The following KRABD3 variants were observed in gnomAD, a reference collection of about 807,000 sequenced individuals.
The protein encoded by KRABD3 is KRAB domain containing 3, also known as KRAB domain-containing protein 3.
the KRABD3 span, among the ~76,000 whole-genome samples, chr7:149,718,315 C>T: frequency 3.3e-5 from 5 of 152,166 alleles, no homozygotes; most frequent in Middle Eastern, 3.4e-3. Context: ...TTATTAGGGG[C>T]GTGTTCATTT....
chr7:149,727,002 G>A, the KRABD3 span, among the ~76,000 whole-genome samples: 57 of 152,284 alleles, frequency 3.7e-4, no homozygotes, highest in African/African-American at 1.3e-3. Context: ...CCCAACTTAG[G>A]AAAACATACA....
chr7:149,723,304 G>A, the KRABD3 span, among the ~76,000 whole-genome samples: 2 of 152,224 alleles, frequency 1.3e-5, no homozygotes, highest in Non-Finnish European at 2.9e-5. Flanking sequence ...AGGGGCCGGG[G>A]CACAGGTCTT....
At chr7:149,728,809 G>A in the KRABD3 span, 3 of 1,023,132 alleles carry the variant, frequency 2.9e-6, no homozygotes, top group Non-Finnish European at 4.2e-6. Context: ...GAGCCTTGTT[G>A]GAGGCCAGAA....
chr7:149,721,341 G>A, the KRABD3 span: 2 of 1,548,740 alleles, frequency 1.3e-6, no homozygotes, highest in South Asian at 1.3e-5. Flanking sequence ...AATGTTAGGG[G>A]CATCTTACCA....
At chr7:149,720,074 G>A in the KRABD3 span, 4 of 1,553,780 alleles carry the variant, frequency 2.6e-6, no homozygotes, top group South Asian at 4.8e-5. Flanking sequence ...GCTGTTGGGG[G>A]AGGGAGCCAC....
the KRABD3 span, chr7:149,720,766 AAC>A: frequency 6.2e-6 from 9 of 1,443,540 alleles, no homozygotes; most frequent in South Asian, 2.6e-5. Flanking sequence ...TGGGTGTGAA[AAC>A]ACGCACGTAG....
chr7:149,732,292 G>A, the KRABD3 span, among the ~76,000 whole-genome samples: 4 of 152,196 alleles, frequency 2.6e-5, no homozygotes, highest in Non-Finnish European at 2.9e-5. The surrounding 1 kb of genome is among the most constrained non-coding windows in gnomAD (Gnocchi z 4.0). Context: ...TGGGGCCACC[G>A]AGCCTTGCCT....
At chr7:149,715,547 G>A in the KRABD3 span, among the ~76,000 whole-genome samples, 1 of 152,326 alleles carries the variant, frequency 6.6e-6, no homozygotes, top group Admixed American at 6.5e-5. Context: ...TAGGTTGTGT[G>A]TGGGCTGTGA....
At chr7:149,728,578 A>G in the KRABD3 span, 8 of 1,613,732 alleles carry the variant, frequency 5.0e-6, no homozygotes, top group Non-Finnish European at 6.8e-6. Flanking sequence ...TCAAGGAGAT[A>G]CCTGTGCCTG....
At chr7:149,724,308 C>T in the KRABD3 span, among the ~76,000 whole-genome samples, 5 of 152,150 alleles carry the variant, frequency 3.3e-5, no homozygotes, top group Admixed American at 1.3e-4. Flanking sequence ...GTTCGTGTTC[C>T]GTGCATGTCA....
chr7:149,734,425 C>T, the KRABD3 span: 17 of 203,362 alleles, frequency 8.4e-5, no homozygotes, highest in Admixed American at 1.1e-4. Context: ...AACCACCAGC[C>T]GTTCCTGATC....
the KRABD3 span, among the ~76,000 whole-genome samples, chr7:149,726,443 T>A: frequency 2.1e-3 from 317 of 151,670 alleles, 2 homozygotes; most frequent in African/African-American, 7.2e-3. Flanking sequence ...CAGAATTTTT[T>A]TTTTTTTTTT....
the KRABD3 span, chr7:149,729,572 C>T: frequency 1.0e-5 from 10 of 985,296 alleles, no homozygotes; most frequent in African/African-American, 1.7e-5. Flanking sequence ...GGAGCGGGGT[C>T]GGGAAGATCA....
chr7:149,716,772 C>T, the KRABD3 span, among the ~76,000 whole-genome samples: 8 of 152,220 alleles, frequency 5.3e-5, no homozygotes, highest in African/African-American at 1.9e-4. Flanking sequence ...CAGGCTCAGA[C>T]CTGCAAGCGG....
chr7:149,726,073 A>G, the KRABD3 span: 19 of 1,603,600 alleles, frequency 1.2e-5, no homozygotes, highest in Non-Finnish European at 1.6e-5. Flanking sequence ...GAGCTGGGCC[A>G]GCCCGAGGCT....
chr7:149,725,174 T>C, the KRABD3 span: 1 of 829,628 alleles, frequency 1.2e-6, no homozygotes, highest in African/African-American at 1.7e-5. Flanking sequence ...CACAGAAGGG[T>C]TTCCTGCCTG....
the KRABD3 span, chr7:149,719,532 G>A: frequency 1.3e-6 from 2 of 1,557,892 alleles, no homozygotes; most frequent in Non-Finnish European, 1.7e-6. This position sits in a 1 kb window ranked among gnomAD's most constrained non-coding sequence, Gnocchi z 5.6. Flanking sequence ...CCCCCCCGGA[G>A]ACTGTGCCTG....
At chr7:149,734,276 A>G in the KRABD3 span, 1 of 578,024 alleles carries the variant, frequency 1.7e-6, no homozygotes, top group Non-Finnish European at 3.0e-6. Context: ...GCTCAGATTC[A>G]ATCAAATGTT....
the KRABD3 span, among the ~76,000 whole-genome samples, chr7:149,731,240 C>T: frequency 1.3e-5 from 2 of 152,222 alleles, no homozygotes; most frequent in Admixed American, 6.5e-5. Context: ...TCCCCAACTC[C>T]TGCAGCTGGC....
Sources: gnomAD v4.1 joint callset for allele counts (sites outside exome capture counted in the v4.1 genomes callset) on GRCh38, gnomAD v4.1.1 for gene constraint, Gnocchi (gnomAD v3.1) non-coding constraint, MANE v1.5 for transcripts, NCBI Gene and HGNC (gene_info 2026-07-23, HGNC 2026-07-21) for gene names.